The following SLC25A26 variants were observed in gnomAD, a reference collection of about 807,000 sequenced individuals.
The protein encoded by SLC25A26 is mitochondrial S-adenosylmethionine carrier protein.
SLC25A26 carries 36 observed loss-of-function variants against 37.8 expected under a neutral mutation model. The observed-to-expected ratio is 0.95, with a 90% CI of 0.73 to 1.26. The LOEUF is 1.26. SLC25A26 is among the 50% of genes most tolerant of loss of function. The probability of loss-of-function intolerance (pLI) is 0.00; values close to 1 mark genes in which losing one functional copy is unlikely to be tolerated. For synonymous variants in SLC25A26, 129 were observed against 122.5 expected, an observed-to-expected ratio of 1.05 and a Z score of -0.35; for missense variants, 390 against 331.1, an observed-to-expected ratio of 1.18 and a Z score of -1.38.
rs1438120762 is a variant in SLC25A26, at chr3:66,269,551, T to G, written c.453+6172T>G. Among the ~76,000 whole-genome samples, 3 of 152,338 alleles carry G rather than the reference T, an allele frequency of 2.0e-5. No homozygotes were observed. In the East Asian group the frequency reaches 5.8e-4, roughly 29 times the overall value. On this transcript the variant is annotated intron_variant, in intron 5 of 9. Coordinates refer to ENST00000354883, the MANE Select transcript of SLC25A26 (RefSeq NM_001379210.1). ...ATCAAGATTCCTAATGGAAGTGTGT[T>G]GGGAAAATTCCATGATTGTTCATTT...
At chr3:66,298,192 C>T (rs764123356) in intron 5 of SLC25A26, among the ~76,000 whole-genome samples, 1 of 152,050 alleles carries the variant, frequency 6.6e-6, no homozygotes, top group South Asian at 2.1e-4. Flanking sequence ...CTAGGTGATA[C>T]AAAGTTCAGT....
intron 1 of SLC25A26, 46 bp from the exon 2 acceptor site, chr3:66,236,498 T>A: frequency 7.0e-7 from 1 of 1,421,542 alleles, no homozygotes; most frequent in Middle Eastern, 1.8e-4. Context: ...GCTTATTTTG[T>A]TGTAACCTTT....
At chr3:66,348,387 T>C (rs1436008674) in intron 6 of SLC25A26, among the ~76,000 whole-genome samples, 2 of 152,184 alleles carry the variant, frequency 1.3e-5, no homozygotes, top group Non-Finnish European at 2.9e-5. Context: ...CACATATGTA[T>C]CTAGGTTGCA....
chr3:66,309,244 G>GGT (rs954732199), intron 5 of SLC25A26, among the ~76,000 whole-genome samples: 53 of 152,170 alleles, frequency 3.5e-4, no homozygotes, highest in African/African-American at 1.2e-3. Flanking sequence ...GTCTTGGGAG[G>GGT]GTGTATGTGT....
intron 5 of SLC25A26, among the ~76,000 whole-genome samples, chr3:66,275,549 A>G (rs890150730): frequency 3.9e-5 from 6 of 152,002 alleles, no homozygotes; most frequent in Non-Finnish European, 7.4e-5. Flanking sequence ...TATTTAACAA[A>G]CCAATGACTT....
intron 1 of SLC25A26, among the ~76,000 whole-genome samples, chr3:66,148,000 G>A (rs145233637): frequency 0.016 from 2,390 of 151,816 alleles, 18 homozygotes; most frequent in Non-Finnish European, 0.025. Flanking sequence ...CTCGTGATCC[G>A]CCCACCTCAG....
At chr3:66,370,473 A>G in intron 8 of SLC25A26, 56 bp from the exon 9 acceptor site, 2 of 1,368,810 alleles carry the variant, frequency 1.5e-6, no homozygotes, top group Non-Finnish European at 2.1e-6. Context: ...CTGAGAGGCA[A>G]GTGTGTGATT....
chr3:66,257,961 C>T (rs2073370546), intron 3 of SLC25A26, among the ~76,000 whole-genome samples: 1 of 152,134 alleles, frequency 6.6e-6, no homozygotes, highest in Non-Finnish European at 1.5e-5. Context: ...GGCTTCTGGC[C>T]CCCTTGCACA....
chr3:66,285,448 T>A (rs2074478583), intron 5 of SLC25A26, among the ~76,000 whole-genome samples: 1 of 150,912 alleles, frequency 6.6e-6, no homozygotes. Context: ...AGCTATCAAT[T>A]CTGAATCTTG....
At chr3:66,269,306 A>C (rs2107340845) in intron 5 of SLC25A26, among the ~76,000 whole-genome samples, 1 of 152,288 alleles carries the variant, frequency 6.6e-6, no homozygotes, top group Non-Finnish European at 1.5e-5. Context: ...TTGATGACTA[A>C]CAATTGCTGT....
chr3:66,316,952 C>G (rs1329215086), intron 5 of SLC25A26, among the ~76,000 whole-genome samples: 2 of 152,120 alleles, frequency 1.3e-5, no homozygotes, highest in African/African-American at 2.4e-5. Context: ...TCAACTCCAT[C>G]AGGTCATTTA....
chr3:66,359,729 G>A (rs1323756683), intron 6 of SLC25A26, among the ~76,000 whole-genome samples: 1 of 152,176 alleles, frequency 6.6e-6, no homozygotes, highest in Non-Finnish European at 1.5e-5. Context: ...GCTTCTAGGA[G>A]CTCTGGAAAA....
At chr3:66,153,221 T>C (rs1242152927) in intron 1 of SLC25A26, among the ~76,000 whole-genome samples, 1 of 152,176 alleles carries the variant, frequency 6.6e-6, no homozygotes, top group Non-Finnish European at 1.5e-5. Context: ...CATCTCATAA[T>C]GCACAGAAAA....
At chr3:66,202,159 A>G (rs1331138348) in intron 1 of SLC25A26, among the ~76,000 whole-genome samples, 2 of 152,162 alleles carry the variant, frequency 1.3e-5, no homozygotes, top group Admixed American at 6.6e-5. Flanking sequence ...TGGCATATAT[A>G]TACCTTGGAA....
intron 1 of SLC25A26, among the ~76,000 whole-genome samples, chr3:66,152,357 A>G (rs1056381436): frequency 6.6e-6 from 1 of 152,202 alleles, no homozygotes; most frequent in African/African-American, 2.4e-5. Flanking sequence ...TTTTGGTTGC[A>G]AGTAAGGGAA....
At chr3:66,353,928 TTATG>T (rs1283439917) in intron 6 of SLC25A26, among the ~76,000 whole-genome samples, 1 of 152,238 alleles carries the variant, frequency 6.6e-6, no homozygotes, top group Non-Finnish European at 1.5e-5. Flanking sequence ...CAGCAGGTGT[TTATG>T]TAACTATTTG....
intron 5 of SLC25A26, among the ~76,000 whole-genome samples, chr3:66,336,645 T>C (rs2076097946): frequency 6.6e-6 from 1 of 152,180 alleles, no homozygotes; most frequent in South Asian, 2.1e-4. Flanking sequence ...CTGCTTAACA[T>C]ACTGGAAATG....
chr3:66,320,914 A>G (rs2075675993), intron 5 of SLC25A26, among the ~76,000 whole-genome samples: 1 of 152,366 alleles, frequency 6.6e-6, no homozygotes, highest in Non-Finnish European at 1.5e-5. Context: ...AAACATTTAT[A>G]TAATTGCTAT....
chr3:66,369,463 G>C lies in SLC25A26; in HGVS notation c.569-15G>C. On this transcript the variant is annotated splice_polypyrimidine_tract_variant and intron_variant, in intron 7 of 9. Coordinates refer to ENST00000354883, the MANE Select transcript of SLC25A26 (RefSeq NM_001379210.1). ...AAACAGGATCTCACTTGGGTGTTGG[G>C]TATTATTTGTACAGGTGGATTTGCC... 3 of 1,596,636 alleles carry C rather than the reference G, an allele frequency of 1.9e-6. No homozygotes were observed. Among genetic ancestry groups the C allele is most frequent in the Non-Finnish European group, 8.5e-7 (1 of 1,171,232 alleles).
Sources: gnomAD v4.1 joint callset for allele counts (sites outside exome capture counted in the v4.1 genomes callset) on GRCh38, gnomAD v4.1.1 for gene constraint, MANE v1.5 for transcripts, NCBI Gene and HGNC (gene_info 2026-07-23, HGNC 2026-07-21) for gene names.